Variants in TMEM232 observed in about 807,000 individuals in gnomAD.
The protein encoded by TMEM232 is transmembrane protein 232.
A neutral mutation model predicts 78.8 loss-of-function variants in TMEM232; 80 were observed. That is an observed-to-expected ratio of 1.01 (90% CI 0.85 to 1.22). The LOEUF (loss-of-function observed/expected upper bound fraction) is 1.22, where lower values mean the gene tolerates loss of function less well. Ranked by LOEUF, TMEM232 falls within the 50% of genes most tolerant of loss-of-function variation. The probability of loss-of-function intolerance (pLI) is 0.00; values close to 1 mark genes in which losing one functional copy is unlikely to be tolerated. For missense variants in TMEM232, 881 were observed against 742.2 expected, an observed-to-expected ratio of 1.19 and a Z score of -2.17; for synonymous variants, 297 against 254.3, an observed-to-expected ratio of 1.17 and a Z score of -1.60.
At chr5:110,524,260 C>CA (rs111668182) in intron 12 of TMEM232, among the ~76,000 whole-genome samples, 1,844 of 59,338 alleles carry the variant, frequency 0.031, 72 homozygotes, top group African/African-American at 0.068. Flanking sequence ...GACTCAGTCT[C>CA]AAAAAAAAAA....
intron 7 of TMEM232, among the ~76,000 whole-genome samples, chr5:110,619,971 T>A (rs1349031280): frequency 6.6e-6 from 1 of 151,932 alleles, no homozygotes; most frequent in East Asian, 1.9e-4. Context: ...GTGACTCGAA[T>A]GGTTAATTTA....
At chr5:110,439,944 A>G (rs1758848717) in intron 12 of TMEM232, among the ~76,000 whole-genome samples, 1 of 152,168 alleles carries the variant, frequency 6.6e-6, no homozygotes, top group Non-Finnish European at 1.5e-5. Flanking sequence ...TCAATGCCAT[A>G]GCAGATATTA....
intron 11 of TMEM232, among the ~76,000 whole-genome samples, chr5:110,538,290 C>G (rs892007040): frequency 6.6e-6 from 1 of 152,078 alleles, no homozygotes. Context: ...GGACATTAGA[C>G]TTAAGCTCCA....
intron 10 of TMEM232, among the ~76,000 whole-genome samples, chr5:110,585,232 G>A (rs1238259130): frequency 1.3e-5 from 2 of 152,130 alleles, no homozygotes; most frequent in African/African-American, 4.8e-5. Context: ...GGAATAAACA[G>A]AATGGGAGAT....
chr5:110,491,194 C>T (rs1262038182), intron 12 of TMEM232, among the ~76,000 whole-genome samples: 1 of 150,956 alleles, frequency 6.6e-6, no homozygotes, highest in Non-Finnish European at 1.5e-5. Context: ...AGAAGGTAAA[C>T]ACATGGTCCA....
chr5:110,554,415 T>C (rs1490430931), intron 11 of TMEM232, among the ~76,000 whole-genome samples: 1 of 152,146 alleles, frequency 6.6e-6, no homozygotes, highest in Non-Finnish European at 1.5e-5. Flanking sequence ...TTGTGGGACC[T>C]TGTGATCATG....
At chr5:110,696,189 C>G (rs149046936) in intron 1 of TMEM232, among the ~76,000 whole-genome samples, 3,263 of 152,188 alleles carry the variant, frequency 0.021, 57 homozygotes, top group Non-Finnish European at 0.033. Context: ...ATAAAGAGAA[C>G]CAAAGACAAA....
chr5:110,539,573 G>A (rs531117473), intron 11 of TMEM232, among the ~76,000 whole-genome samples: 10 of 152,058 alleles, frequency 6.6e-5, no homozygotes, highest in South Asian at 2.1e-4. Flanking sequence ...TCCTAATACC[G>A]GAGGAAAACA....
chr5:110,433,575 C>T (rs1398631286), intron 12 of TMEM232, among the ~76,000 whole-genome samples: 2 of 151,750 alleles, frequency 1.3e-5, no homozygotes, highest in Admixed American at 1.3e-4. Flanking sequence ...TAGGAACAAA[C>T]TAAACCCAAT....
exon 5 of TMEM232, chr5:110,387,975 AC>A (rs1435126992): frequency 6.5e-6 from 1 of 153,170 alleles, no homozygotes; most frequent in Non-Finnish European, 1.5e-5. Flanking sequence ...TGGGGTAAAT[AC>A]CCAGGGCTCA....
At chr5:110,621,340 C>A (rs749286574) in intron 7 of TMEM232, among the ~76,000 whole-genome samples, 2 of 152,084 alleles carry the variant, frequency 1.3e-5, no homozygotes, top group South Asian at 4.1e-4. Context: ...TGTGCCTTTA[C>A]CCTAAATCAG....
At chr5:110,612,688 CT>C (rs1013251749) in intron 8 of TMEM232, among the ~76,000 whole-genome samples, 1 of 151,942 alleles carries the variant, frequency 6.6e-6, no homozygotes, top group African/African-American at 2.4e-5. Flanking sequence ...AATTGTCAAG[CT>C]TTTTTTTGGA....
intron 12 of TMEM232, among the ~76,000 whole-genome samples, chr5:110,464,510 T>C (rs1489486586): frequency 6.6e-6 from 1 of 152,176 alleles, no homozygotes; most frequent in Non-Finnish European, 1.5e-5. Flanking sequence ...ATTGGAAGAA[T>C]GCCATAAATG....
chr5:110,480,324 T>C (rs1763722183), intron 12 of TMEM232, among the ~76,000 whole-genome samples: 1 of 152,026 alleles, frequency 6.6e-6, no homozygotes, highest in Admixed American at 6.6e-5. Flanking sequence ...TATTTTCATT[T>C]ATCCTTTATT....
intron 10 of TMEM232, among the ~76,000 whole-genome samples, chr5:110,597,128 C>T (rs916442558): frequency 7.9e-5 from 12 of 152,114 alleles, no homozygotes; most frequent in Non-Finnish European, 1.5e-4. Flanking sequence ...ATTGTCTCAG[C>T]CCAAAATCTC....
intron 12 of TMEM232, among the ~76,000 whole-genome samples, chr5:110,475,095 CA>C (rs1475311749): frequency 6.6e-6 from 1 of 151,880 alleles, no homozygotes; most frequent in Non-Finnish European, 1.5e-5. Flanking sequence ...TAAGATTCAT[CA>C]CACAGTCACA....
chr5:110,627,386 T>C (rs1048456116), intron 6 of TMEM232, among the ~76,000 whole-genome samples: 5 of 152,032 alleles, frequency 3.3e-5, no homozygotes, highest in Admixed American at 1.3e-4. Flanking sequence ...ATTACCAGCA[T>C]CTGGAACAGG....
In TMEM232 at chr5:110,638,293, C is replaced by T; in HGVS notation, c.406G>A (p.Ala136Thr). 1 of 1,550,948 alleles carries T rather than the reference C, an allele frequency of 6.4e-7. No individual in the cohort carries two copies. The highest frequency in any genetic ancestry group is 8.7e-7 in the Non-Finnish European group (1 of 1,146,574). ...HASFDYDHLP[A>T]LFFVAESVLY... is the part of the protein sequence containing the mutation. ...ACCGATTCCGCAACAAAAAATAAGG[C>T]AGGCAGATGATCATAATCAAAGGAA... Residue 136 changes from alanine (A) to threonine (T), a missense_variant, in exon 5 of 14, where the codon GCC (alanine) becomes ACC (threonine). Ala to Thr is a moderately conservative substitution (Grantham distance 58). Coordinates refer to ENST00000455884, the MANE Select transcript of TMEM232 (RefSeq NM_001039763.4).
At chr5:110,685,636 C>T (rs1168860289) in intron 1 of TMEM232, among the ~76,000 whole-genome samples, 1 of 152,054 alleles carries the variant, frequency 6.6e-6, no homozygotes, top group Non-Finnish European at 1.5e-5. Context: ...TACACCCTGA[C>T]CTAGAAATTC....
Sources: gnomAD v4.1 joint callset for allele counts (sites outside exome capture counted in the v4.1 genomes callset) on GRCh38, gnomAD v4.1.1 for gene constraint, MANE v1.5 for transcripts, NCBI Gene and HGNC (gene_info 2026-07-23, HGNC 2026-07-21) for gene names.